Variants in STON2 observed in about 807,000 individuals in gnomAD.
STON2 encodes stonin-2.
A neutral mutation model predicts 65.7 loss-of-function variants in STON2; 29 were observed. The observed-to-expected ratio is 0.44, with a 90% CI of 0.33 to 0.60. STON2 has a LOEUF of 0.60. Among genes scored for constraint, STON2 ranks in the 20% least tolerant of loss-of-function variants. The probability of loss-of-function intolerance (pLI) is 0.03; values close to 1 mark genes in which losing one functional copy is unlikely to be tolerated. For missense variants in STON2, 1,054 were observed against 1,118.1 expected, an observed-to-expected ratio of 0.94 and a Z score of 0.82; for synonymous variants, 404 against 414.2, an observed-to-expected ratio of 0.98 and a Z score of 0.30.
intron 4 of STON2, among the ~76,000 whole-genome samples, chr14:81,329,398 T>C (rs1173674783): frequency 6.8e-6 from 1 of 146,218 alleles, no homozygotes; most frequent in Non-Finnish European, 1.5e-5. Context: ...AAGCTTGCAG[T>C]GAGCCGAGAT....
intron 3 of STON2, among the ~76,000 whole-genome samples, chr14:81,378,390 T>G (rs1380963980): frequency 6.6e-6 from 1 of 151,990 alleles, no homozygotes; most frequent in Non-Finnish European, 1.5e-5. Flanking sequence ...TAGTTTTTCA[T>G]ATTTTCATAG....
chr14:81,394,922 G>A (rs1298180947), intron 3 of STON2: 1 of 152,108 alleles, frequency 6.6e-6, no homozygotes, highest in South Asian at 2.1e-4. Flanking sequence ...CTACACTTGT[G>A]GTGACTTGTT....
intron 5 of STON2, among the ~76,000 whole-genome samples, chr14:81,290,971 T>A (rs1008486492): frequency 5.3e-5 from 8 of 152,122 alleles, no homozygotes; most frequent in African/African-American, 1.9e-4. Context: ...GCTCAATAAA[T>A]GTTAGCTCTC....
rs899712315 is a variant in STON2, at chr14:81,262,666, C to A, written c.*5748G>T. On this transcript the variant is annotated 3_prime_UTR_variant, in exon 8 of 8. Transcript: ENST00000614646. Reference sequence around the variant, plus strand: ...ACTCATTACTGTGGATAGTTTCTGCCTTTACAGGCTTAGAATTGACAAATT... The same window carrying A: ...ACTCATTACTGTGGATAGTTTCTGCATTTACAGGCTTAGAATTGACAAATT... 5 of 985,276 alleles carry A rather than the reference C, an allele frequency of 5.1e-6. No individual in the cohort carries two copies. The highest frequency in any genetic ancestry group is 6.0e-6 in the Non-Finnish European group (5 of 829,930). 61.0% of individuals were successfully genotyped at this position (985,276 alleles called of 1,614,324 possible).
intron 5 of STON2, among the ~76,000 whole-genome samples, chr14:81,315,178 T>C (rs1438988084): frequency 6.6e-6 from 1 of 152,194 alleles, no homozygotes; most frequent in Non-Finnish European, 1.5e-5. Flanking sequence ...TATCACTCTA[T>C]TTGCTAAGCA....
intron 4 of STON2, among the ~76,000 whole-genome samples, chr14:81,347,364 A>G (rs1342993160): frequency 6.6e-6 from 1 of 152,114 alleles, no homozygotes; most frequent in African/African-American, 2.4e-5. Context: ...AAACCTACCA[A>G]TAGTGAACAA....
At chr14:81,316,061 T>A (rs1896606437) in intron 5 of STON2, among the ~76,000 whole-genome samples, 2 of 152,240 alleles carry the variant, frequency 1.3e-5, no homozygotes, top group Admixed American at 1.3e-4. Flanking sequence ...AATCATATCA[T>A]GCCTCCTACA....
In STON2 at chr14:81,265,416, AGACTGAGGCAGGC is replaced by A; in HGVS notation, c.*2985_*2997del. The A allele has an allele frequency of 1.1e-6, 1 of 893,960 alleles. No homozygotes were observed. Among genetic ancestry groups the A allele is most frequent in the Non-Finnish European group, 1.3e-6 (1 of 746,882 alleles). The allele number at this position is 893,960 out of a possible 1,614,324, so 55.4% of individuals were successfully genotyped here. On this transcript the variant is annotated 3_prime_UTR_variant, in exon 8 of 8. Coordinates refer to ENST00000614646, the MANE Select transcript of STON2 (RefSeq NM_001394390.1). The stretch of plus-strand genomic sequence containing the variant: ...ACGCCTGTAATCCCAGAGCTTTGGG[AGACTGAGGCAGGC>A]TTATCACCTGAGGTCAGACATTCGA...
At chr14:81,319,121 GC>G (rs1426224158) in intron 5 of STON2, among the ~76,000 whole-genome samples, 1 of 152,082 alleles carries the variant, frequency 6.6e-6, no homozygotes, top group Non-Finnish European at 1.5e-5. Context: ...TCAACCAATT[GC>G]CCCCCTCAAA....
At chr14:81,307,178 A>G (rs1192980901) in intron 5 of STON2, among the ~76,000 whole-genome samples, 1 of 152,170 alleles carries the variant, frequency 6.6e-6, no homozygotes, top group Non-Finnish European at 1.5e-5. Flanking sequence ...AACACACAGA[A>G]AGAAATTACA....
At chr14:81,295,748 G>A (rs1253379565) in intron 5 of STON2, among the ~76,000 whole-genome samples, 1 of 152,142 alleles carries the variant, frequency 6.6e-6, no homozygotes, top group Non-Finnish European at 1.5e-5. Context: ...AAGCACATTG[G>A]TTTTACAGAT....
intron 4 of STON2, among the ~76,000 whole-genome samples, chr14:81,370,771 G>A (rs1422071068): frequency 6.6e-6 from 1 of 152,224 alleles, no homozygotes; most frequent in Non-Finnish European, 1.5e-5. Context: ...TGGTTGCCGA[G>A]TATGAATAAT....
At chr14:81,275,375 C>T (rs1471614848) in intron 6 of STON2, among the ~76,000 whole-genome samples, 1 of 152,036 alleles carries the variant, frequency 6.6e-6, no homozygotes, top group Non-Finnish European at 1.5e-5. Context: ...ATCACCTTCC[C>T]GACCTTAATT....
chr14:81,301,795 A>G (rs78291610), intron 5 of STON2, among the ~76,000 whole-genome samples: 12,904 of 151,530 alleles, frequency 0.085, 667 homozygotes, highest in East Asian at 0.17. Context: ...CTCCATTTTT[A>G]GTAGCTTTTA....
intron 5 of STON2, among the ~76,000 whole-genome samples, chr14:81,282,910 A>C (rs904112708): frequency 2.0e-5 from 3 of 152,236 alleles, no homozygotes; most frequent in Non-Finnish European, 4.4e-5. Flanking sequence ...AGAAATAGGC[A>C]AAAACCAAGT....
At position 81,299,804 on chromosome 14, in the gene STON2, A is replaced by G. The variant is rs1362288151; in HGVS notation, c.743-21065T>C. ...TGTAAGGCCTCTTCACTGTTGAGAG[A>G]AGTTAAAGAAGGCCTAAATAAATGG... On this transcript the variant is annotated intron_variant, in intron 5 of 7. Coordinates refer to ENST00000614646, the MANE Select transcript of STON2 (RefSeq NM_001394390.1). Among the ~76,000 whole-genome samples the G allele has an allele frequency of 3.3e-5, 5 of 152,302 alleles. 1 individual carries two copies. Among genetic ancestry groups the G allele is most frequent in the Admixed American group, 1.3e-4 (2 of 15,294 alleles).
intron 3 of STON2, among the ~76,000 whole-genome samples, chr14:81,383,937 C>A (rs1353371566): frequency 6.6e-6 from 1 of 152,196 alleles, no homozygotes; most frequent in Admixed American, 6.5e-5. Flanking sequence ...GTCTCTGTAA[C>A]GTTTCTGCCT....
intron 2 of STON2, among the ~76,000 whole-genome samples, chr14:81,417,317 C>T (rs1418031111): frequency 2.0e-5 from 3 of 151,786 alleles, no homozygotes; most frequent in Non-Finnish European, 4.4e-5. Flanking sequence ...CAGGCCCTCC[C>T]ACATCACCAT....
intron 4 of STON2, among the ~76,000 whole-genome samples, chr14:81,363,461 C>T (rs1898586599): frequency 6.6e-6 from 1 of 151,780 alleles, no homozygotes. Context: ...TTCTGAGAAA[C>T]TTTTGAACCT....
Sources: gnomAD v4.1 joint callset for allele counts (sites outside exome capture counted in the v4.1 genomes callset) on GRCh38, gnomAD v4.1.1 for gene constraint, MANE v1.5 for transcripts, NCBI Gene and HGNC (gene_info 2026-07-23, HGNC 2026-07-21) for gene names.